The following MAPKAPK3 variants were observed in gnomAD, a reference collection of about 807,000 sequenced individuals.
MAPKAPK3 encodes the protein MAP kinase-activated protein kinase 3.
In MAPKAPK3, 35 loss-of-function variants were observed where a neutral mutation model predicts 49.2. The observed-to-expected ratio is 0.71, with a 90% confidence interval of 0.54 to 0.94. MAPKAPK3 has a LOEUF of 0.94. Among genes scored for constraint, MAPKAPK3 ranks in the 40% least tolerant of loss-of-function variants. The probability of loss-of-function intolerance (pLI) is 0.00; values close to 1 mark genes in which losing one functional copy is unlikely to be tolerated. For synonymous variants in MAPKAPK3, 178 were observed against 188.7 expected, an observed-to-expected ratio of 0.94 and a Z score of 0.46; for missense variants, 398 against 493.1, an observed-to-expected ratio of 0.81 and a Z score of 1.83.
chr3:50,640,426 G>T lies in MAPKAPK3; in HGVS notation c.280G>T (p.Gly94Cys). 6.2e-7 allele frequency: 1 copy of T among 1,614,082 alleles called. No individual in the cohort carries two copies. The highest frequency in any genetic ancestry group is 8.5e-7 in the Non-Finnish European group (1 of 1,180,002). The change falls in exon 3 of 11, where the codon GGC becomes TGC. Residue 94 changes from glycine (G) to cysteine (C), a missense_variant. Transcript: ENST00000621469. Reference sequence around the variant, plus strand: ...AGACCATCACTGGCAGGCTTCTGGCGGCCCCCATATTGTCTGCATCCTGGA... The same window carrying T: ...AGACCATCACTGGCAGGCTTCTGGCTGCCCCCATATTGTCTGCATCCTGGA... ...EVDHHWQASG[G>C]PHIVCILDVY... is the part of the protein sequence containing the mutation.
intron 2 of MAPKAPK3, among the ~76,000 whole-genome samples, chr3:50,619,889 G>C (rs2032566306): frequency 6.6e-6 from 1 of 152,144 alleles, no homozygotes; most frequent in South Asian, 2.1e-4. Flanking sequence ...CTGGGAATTG[G>C]GTCAGGCCTG....
At chr3:50,616,642 G>A (rs901038010), upstream of MAPKAPK3, among the ~76,000 whole-genome samples, 5 of 152,156 alleles carry the variant, frequency 3.3e-5, no homozygotes, top group Non-Finnish European at 7.3e-5. Flanking sequence ...CAGTGCTGGA[G>A]ACTCCCAGAG....
intron 3 of MAPKAPK3, among the ~76,000 whole-genome samples, chr3:50,640,831 A>G (rs1576012282): frequency 6.6e-6 from 1 of 152,190 alleles, no homozygotes; most frequent in Admixed American, 6.5e-5. Context: ...GGATTTGGGG[A>G]AGAACAGGAC....
intron 2 of MAPKAPK3, among the ~76,000 whole-genome samples, chr3:50,637,683 C>T (rs2033073900): frequency 1.8e-5 from 1 of 55,068 alleles, no homozygotes; most frequent in South Asian, 1.2e-3. Context: ...GAGGACTTTC[C>T]AGAGAGAGAA....
Position 50,640,474 on chromosome 3 carries a change from G to A in MAPKAPK3, c.328G>A (p.Gly110Ser), listed in dbSNP as rs2033153210. The A allele has an allele frequency of 6.2e-7, 1 of 1,613,592 alleles. No individual in the cohort carries two copies. Among genetic ancestry groups the A allele is most frequent in the South Asian group, 1.1e-5 (1 of 91,068 alleles). The stretch of plus-strand genomic sequence containing the variant: ...GGATGTGTATGAGAACATGCACCAT[G>A]GCAAGCGCTGTCTCCTCATCATCAT... ...ILDVYENMHH[G>S]KRCLLIIMEC... Residue 110 changes from glycine (G) to serine (S), a missense_variant, in exon 3 of 11, where the codon GGC becomes AGC. Physicochemically the swap from Gly to Ser is moderately conservative, Grantham distance 56. Around this residue, in one of 5 missense-constraint regions of MAPKAPK3, gnomAD observed 52 missense variants for 91.9 expected, o/e 0.57. Transcript: ENST00000621469.
rs1205843411 is a variant in MAPKAPK3 at position 50,647,936 on chromosome 3, G to A, written c.1039G>A (p.Asp347Asn). 5.6e-6 allele frequency: 9 copies of A among 1,613,868 alleles called. No homozygotes were observed. The highest frequency in any genetic ancestry group is 4.5e-5 in the East Asian group (2 of 44,882). The change falls in exon 11 of 11, where the codon GAC becomes AAC. Residue 347 changes from aspartate to asparagine, a missense_variant. Physicochemically the swap from Asp to Asn is conservative, Grantham distance 23 (BLOSUM62 1). This residue lies in a region of MAPKAPK3 where 152 missense variants were observed against 177.3 expected (regional missense o/e 0.86). Transcript: ENST00000621469. ...SALATMRVDYDQVKIKDLKTS... is the reference protein window; with the variant it reads ...SALATMRVDYNQVKIKDLKTS... ...CTTGGCCACTATGCGGGTAGACTAC[G>A]ACCAGGTGAAGATCAAGGACCTGAA...
At chr3:50,622,501 A>C (rs879464509) in intron 2 of MAPKAPK3, among the ~76,000 whole-genome samples, 4 of 152,148 alleles carry the variant, frequency 2.6e-5, no homozygotes, top group Non-Finnish European at 5.9e-5. Context: ...TTTGATTCAA[A>C]GCTCTTTTAT....
intron 2 of MAPKAPK3, among the ~76,000 whole-genome samples, chr3:50,629,279 C>T (rs1309979705): frequency 1.3e-5 from 2 of 152,166 alleles, no homozygotes; most frequent in Admixed American, 1.3e-4. Flanking sequence ...CTGCCTCCCC[C>T]AGGTCCCCAA....
chr3:50,611,782 A>G (rs2107562377), upstream of MAPKAPK3: 1 of 1,260,000 alleles, frequency 7.9e-7, no homozygotes, highest in South Asian at 1.9e-5. Context: ...ACTGAGAGGC[A>G]GTGGCGCGGA....
chr3:50,612,976 C>A (rs535496565), upstream of MAPKAPK3: 58 of 152,244 alleles, frequency 3.8e-4, no homozygotes, highest in African/African-American at 1.4e-3. Flanking sequence ...AATCAGAAGC[C>A]CACGCTCCTA....
At chr3:50,611,934 G>T in exon 1 of MAPKAPK3, 2 of 439,760 alleles carry the variant, frequency 4.5e-6, no homozygotes, top group Non-Finnish European at 7.9e-6. Flanking sequence ...CCCGGGCGGG[G>T]TGCGCGGGCC....
chr3:50,617,597 GC>G lies in MAPKAPK3; in HGVS notation c.35del (p.Pro12LeufsTer28). The G allele has an allele frequency of 6.3e-7, 1 of 1,594,282 alleles. No individual in the cohort carries two copies. The highest frequency in any genetic ancestry group is 2.2e-5 in the East Asian group (1 of 44,778). On this transcript the variant is annotated frameshift_variant, in exon 2 of 11. Coordinates refer to ENST00000621469, the MANE Select transcript of MAPKAPK3 (RefSeq NM_001243925.2). LOFTEE classifies it high-confidence loss of function. ...GGTGAAACAGCAGAGGAGCAGGGGG[GC>G]CCTGTGCCCCCGCCAGTTGCACCCG... The part of the protein sequence containing the change: MDGETAEEQG[G>X]PVPPPVAPGG...
chr3:50,635,935 AAAAAAAAAAAAC>A (rs1559487298), intron 2 of MAPKAPK3, among the ~76,000 whole-genome samples: 6 of 105,312 alleles, frequency 5.7e-5, no homozygotes, highest in Admixed American at 2.7e-4. Flanking sequence ...AAAAAAAAAA[AAAAAAAAAAAAC>A]CAAAAAAAAA....
upstream of MAPKAPK3, chr3:50,612,913 C>T (rs147760468): frequency 2.0e-4 from 31 of 152,262 alleles, no homozygotes; most frequent in African/African-American, 7.0e-4. Flanking sequence ...AGAAGACAGC[C>T]CCAGGGAACA....
At chr3:50,642,231 C>T (rs761416951) in intron 4 of MAPKAPK3, 22 bp from the exon 5 acceptor site, 2 of 1,558,448 alleles carry the variant, frequency 1.3e-6, no homozygotes, top group African/African-American at 1.4e-5. Flanking sequence ...ATCACTGACC[C>T]CCTCCTCCTC....
At chr3:50,611,538 A>G, upstream of MAPKAPK3, 1 of 1,517,298 alleles carries the variant, frequency 6.6e-7, no homozygotes, top group South Asian at 1.2e-5. Flanking sequence ...CTGGCCCGTC[A>G]AGCCCTCCCA....
At chr3:50,631,393 G>T (rs1182405231) in intron 2 of MAPKAPK3, among the ~76,000 whole-genome samples, 1 of 152,216 alleles carries the variant, frequency 6.6e-6, no homozygotes, top group African/African-American at 2.4e-5. Context: ...CTTTAAGAAG[G>T]AAAAGTCTGC....
chr3:50,611,598 G>C, upstream of MAPKAPK3: 1 of 1,522,958 alleles, frequency 6.6e-7, no homozygotes, highest in Non-Finnish European at 8.8e-7. Flanking sequence ...GCCCCTCGTG[G>C]TGGCCGGGAA....
intron 2 of MAPKAPK3, among the ~76,000 whole-genome samples, chr3:50,625,520 G>A (rs2032716407): frequency 6.6e-6 from 1 of 152,214 alleles, no homozygotes; most frequent in Non-Finnish European, 1.5e-5. Flanking sequence ...CCCGTTTGGG[G>A]AACAAGGAGC....
Sources: allele counts gnomAD v4.1 joint callset (sites outside exome capture counted in the v4.1 genomes callset), GRCh38; gene constraint gnomAD v4.1.1; regional missense constraint gnomAD v4.1.1; transcripts MANE v1.5; gene names NCBI Gene and HGNC (gene_info 2026-07-23, HGNC 2026-07-21).